ADCY8: variants seen among roughly 807,000 people sequenced by gnomAD.
The protein encoded by ADCY8 is adenylate cyclase 8.
A neutral mutation model predicts 119.7 loss-of-function variants in ADCY8; 51 were observed. The observed-to-expected ratio is 0.43, with a 90% CI of 0.34 to 0.54. The LOEUF (loss-of-function observed/expected upper bound fraction) is 0.54. Among genes scored for constraint, ADCY8 ranks in the 20% least tolerant of loss-of-function variants. The pLI is 0.03. For missense variants in ADCY8, 1,383 were observed against 1,598.8 expected (o/e 0.87, Z 2.30); for synonymous variants, 665 against 651.0 (o/e 1.02, Z -0.33).
intron 5 of ADCY8, among the ~76,000 whole-genome samples, chr8:130,917,729 G>A (rs1445300916): frequency 1.3e-5 from 2 of 151,796 alleles, no homozygotes; most frequent in African/African-American, 4.9e-5. Flanking sequence ...TCCTGAAATG[G>A]CCCTAACTCA....
intron 12 of ADCY8, among the ~76,000 whole-genome samples, chr8:130,825,665 A>C (rs1235605937): frequency 6.6e-6 from 1 of 152,256 alleles, no homozygotes; most frequent in East Asian, 1.9e-4. Context: ...CTTTATGCAG[A>C]CATTGTTTTC....
chr8:130,939,086 A>G (rs1406852422), intron 4 of ADCY8, among the ~76,000 whole-genome samples: 1 of 145,352 alleles, frequency 6.9e-6, no homozygotes, highest in African/African-American at 2.7e-5. Context: ...GAGATGTTGT[A>G]GGGTACATTT....
In ADCY8 at chr8:130,780,725, T is replaced by C; in HGVS notation, c.3421A>G (p.Lys1141Glu). The change falls in exon 18 of 18, where the codon AAG (lysine) becomes GAG (glutamate). Residue 1141 changes from lysine (K) to glutamate (E), a missense_variant. Around this residue, in one of 2 missense-constraint regions of ADCY8, gnomAD observed 928 missense variants for 1,163.5 expected, o/e 0.80. Transcript: ENST00000286355. ...QVPEETYLIL[K>E]DQGFAFDYRG... ...TAATCAAAGGCAAAGCCCTGGTCCT[T>C]CAGGATGAGATAGGTCTCCTCTGGG... The C allele has an allele frequency of 6.2e-7, 1 of 1,614,188 alleles. No homozygotes were observed. Among genetic ancestry groups the C allele is most frequent in the South Asian group, 1.1e-5 (1 of 91,070 alleles).
At chr8:130,847,776 T>C (rs1175834294) in intron 10 of ADCY8, among the ~76,000 whole-genome samples, 1 of 152,198 alleles carries the variant, frequency 6.6e-6, no homozygotes, top group Admixed American at 6.5e-5. Context: ...ACTGCTCTGT[T>C]GGCCCCATCA....
At chr8:131,030,064 C>T (rs1455976687) in intron 1 of ADCY8, among the ~76,000 whole-genome samples, 2 of 152,168 alleles carry the variant, frequency 1.3e-5, no homozygotes, top group African/African-American at 2.4e-5. Flanking sequence ...TATGACATTG[C>T]TCTGATAGAG....
rs114588028 is a variant in ADCY8 at position 130,830,135 on chromosome 8, T to C, written c.2675+6142A>G. Among the ~76,000 whole-genome samples the C allele has an allele frequency of 7.9e-3, 1,207 of 152,304 alleles. 16 individuals are homozygous for C. The highest frequency in any genetic ancestry group is 0.027 in the African/African-American group (1,134 of 41,556). On this transcript the variant is annotated intron_variant, in intron 12 of 17. Coordinates refer to ENST00000286355, the MANE Select transcript of ADCY8 (RefSeq NM_001115.3). Reference sequence around the variant, plus strand: ...ATTACTTAGGCAGATAGTGAGGGCATGGAAGTCTTCAGTAAGGTTTTCCTC... The same window carrying C: ...ATTACTTAGGCAGATAGTGAGGGCACGGAAGTCTTCAGTAAGGTTTTCCTC...
chr8:131,037,249 C>A (rs1824184890), intron 1 of ADCY8, among the ~76,000 whole-genome samples: 1 of 152,170 alleles, frequency 6.6e-6, no homozygotes, highest in Non-Finnish European at 1.5e-5. Flanking sequence ...GCTTAGTTTA[C>A]ATGCATCAGG....
intron 2 of ADCY8, among the ~76,000 whole-genome samples, chr8:130,989,460 T>C (rs1586634548): frequency 6.6e-6 from 1 of 152,052 alleles, no homozygotes; most frequent in Non-Finnish European, 1.5e-5. Context: ...AAGTCTTAAA[T>C]AAGAAATGTG....
At chr8:130,808,644 C>T (rs542335345) in intron 14 of ADCY8, among the ~76,000 whole-genome samples, 9 of 152,288 alleles carry the variant, frequency 5.9e-5, no homozygotes, top group Admixed American at 3.3e-4. Flanking sequence ...CACCTACACA[C>T]GGCCTTTCTA....
chr8:130,799,542 C>A (rs1815698871), intron 15 of ADCY8, among the ~76,000 whole-genome samples: 1 of 152,156 alleles, frequency 6.6e-6, no homozygotes, highest in South Asian at 2.1e-4. Flanking sequence ...CTCCAAAATG[C>A]CATGAGTGCT....
chr8:130,847,281 A>C (rs915765293), intron 11 of ADCY8, 143 bp downstream of exon 11: 3 of 589,752 alleles, frequency 5.1e-6, no homozygotes, highest in South Asian at 2.5e-5. Context: ...GGAAAGAAGA[A>C]GAAAGGAAAG....
In ADCY8 at chr8:130,847,456, C is replaced by A. The variant is rs368015266; in HGVS notation, c.2470G>T (p.Ala824Ser). Residue 824 changes from alanine to serine, a missense_variant, in exon 11 of 18, where the codon GCT (alanine) becomes TCT (serine). This residue lies in a region of ADCY8 where 928 missense variants were observed against 1,163.5 expected (regional missense o/e 0.80). Transcript: ENST00000286355. Reference sequence around the variant, plus strand: ...TAGGAGCAGATATCTGTAAACACAGCTGAGGAATTGAAAGTCAGGTTCTTC... The same window carrying A: ...TAGGAGCAGATATCTGTAAACACAGATGAGGAATTGAAAGTCAGGTTCTTC... ...PLKNLTFNSSAVFTDICSYPE... is the reference protein window; with the variant it reads ...PLKNLTFNSSSVFTDICSYPE... The A allele has an allele frequency of 6.8e-6, 11 of 1,612,456 alleles. No homozygotes were observed. The highest frequency in any genetic ancestry group is 1.3e-5 in the African/African-American group (1 of 74,402).
intron 9 of ADCY8, among the ~76,000 whole-genome samples, chr8:130,854,574 A>G (rs2130338851): frequency 6.6e-6 from 1 of 152,328 alleles, no homozygotes. Context: ...GCAACCCTGA[A>G]GAAAGATATT....
chr8:130,802,024 A>C (rs761534924), intron 14 of ADCY8, among the ~76,000 whole-genome samples: 4 of 148,690 alleles, frequency 2.7e-5, no homozygotes, highest in Admixed American at 6.9e-5. Context: ...TTCAATACCC[A>C]TGTGCTGACG....
chr8:130,786,128 C>A (rs200762443), intron 15 of ADCY8, among the ~76,000 whole-genome samples: 1 of 152,204 alleles, frequency 6.6e-6, no homozygotes, highest in East Asian at 1.9e-4. Flanking sequence ...CCTGTTTTAC[C>A]TTCTCTCCTT....
chr8:131,015,707 T>C (rs1260276018), intron 1 of ADCY8, among the ~76,000 whole-genome samples: 3 of 152,160 alleles, frequency 2.0e-5, no homozygotes, highest in African/African-American at 7.2e-5. Flanking sequence ...AAAAAAATTA[T>C]CTTATTTTTT....
At chr8:130,991,656 C>T (rs1361407585) in intron 1 of ADCY8, among the ~76,000 whole-genome samples, 2 of 152,182 alleles carry the variant, frequency 1.3e-5, no homozygotes, top group Non-Finnish European at 2.9e-5. Context: ...ATAGAGCATT[C>T]ACAATGCCCA....
At chr8:130,990,720 T>G in intron 1 of ADCY8, 178 bp from the exon 2 acceptor site, 1 of 697,844 alleles carries the variant, frequency 1.4e-6, no homozygotes, top group Non-Finnish European at 2.2e-6. Flanking sequence ...GTCATCCCTT[T>G]GGAGAGGGCT....
At chr8:130,993,290 C>T (rs1044469331) in intron 1 of ADCY8, among the ~76,000 whole-genome samples, 29 of 152,164 alleles carry the variant, frequency 1.9e-4, no homozygotes, top group Admixed American at 8.5e-4. Context: ...TTTAATAGCA[C>T]AGCCTCAAAG....
Sources: gnomAD v4.1 joint callset for allele counts (sites outside exome capture counted in the v4.1 genomes callset) on GRCh38, gnomAD v4.1.1 for gene constraint, gnomAD v4.1.1 regional missense constraint, MANE v1.5 for transcripts, NCBI Gene and HGNC (gene_info 2026-07-23, HGNC 2026-07-21) for gene names.